ZNF804B: variants seen among roughly 807,000 people sequenced by gnomAD.
ZNF804B encodes zinc finger protein 804B.
In ZNF804B, 80 loss-of-function variants were observed where a neutral mutation model predicts 101.4. The observed-to-expected ratio is 0.79, with a 90% CI of 0.66 to 0.95. The LOEUF is 0.95. Ranked by LOEUF, ZNF804B falls within the 40% of genes least tolerant of loss-of-function variation. The pLI is 0.00. For synonymous variants in ZNF804B, 622 were observed against 558.8 expected (o/e 1.11, Z -1.59); for missense variants, 1,673 against 1,561.9 (o/e 1.07, Z -1.20).
chr7:88,979,739 A>T (rs1793669395), intron 1 of ZNF804B, among the ~76,000 whole-genome samples: 3 of 151,072 alleles, frequency 2.0e-5, no homozygotes, highest in Admixed American at 6.6e-5. Context: ...GTACTTTTCA[A>T]TATTGATATG....
At chr7:88,996,549 A>C (rs1788201454) in intron 1 of ZNF804B, among the ~76,000 whole-genome samples, 1 of 152,042 alleles carries the variant, frequency 6.6e-6, no homozygotes, top group Non-Finnish European at 1.5e-5. Flanking sequence ...TGTGTACTTG[A>C]ATCTTGAATC....
In ZNF804B at chr7:89,143,435, A is replaced by C. The variant is rs575322412; in HGVS notation, c.109-74720A>C. 2.0e-5 allele frequency among the ~76,000 whole-genome samples: 3 copies of C among 152,054 alleles called. No individual in the cohort carries two copies. In the South Asian group the frequency reaches 6.2e-4, roughly 32 times the overall value. ...TTGTTCTCTTTTCTTACCCGCTCCC[A>C]GCTTCTAATATCTATCTAACTACCT... On this transcript the variant is annotated intron_variant, in intron 1 of 3. Transcript: ENST00000333190.
chr7:89,305,594 A>G (rs1261898674), intron 2 of ZNF804B, among the ~76,000 whole-genome samples: 1 of 151,992 alleles, frequency 6.6e-6, no homozygotes, highest in African/African-American at 2.4e-5. Context: ...TGAATAACAA[A>G]TTTCCTATAG....
rs1176093437 is a variant in ZNF804B, at chr7:88,854,761, G to A, written c.108+94677G>A. Among the ~76,000 whole-genome samples, 18 of 56,738 alleles carry A rather than the reference G, an allele frequency of 3.2e-4. No individual in the cohort carries two copies. The Admixed American group carries it at 4.7e-3, about 15-fold the overall frequency. 37.2% of individuals were successfully genotyped at this position (56,738 alleles called of 152,430 possible). ...TAATACTATCCCTCCCCCCTCCCCC[G>A]ACCCCACAACAGGCCCCAGTGTGTG... is the stretch of plus-strand genomic sequence containing the variant. On this transcript the variant is annotated intron_variant, in intron 1 of 3. Transcript: ENST00000333190.
At chr7:89,223,380 C>T (rs1293654634) in intron 2 of ZNF804B, among the ~76,000 whole-genome samples, 1 of 151,752 alleles carries the variant, frequency 6.6e-6, no homozygotes, top group Non-Finnish European at 1.5e-5. Flanking sequence ...ACTCAGGATC[C>T]CACCGCTTAA....
At chr7:88,845,297 G>A (rs1432434969) in intron 1 of ZNF804B, among the ~76,000 whole-genome samples, 4,916 of 119,814 alleles carry the variant, frequency 0.041, 263 homozygotes, top group African/African-American at 0.14. Context: ...GCGCGCACGC[G>A]CGCGCACACA....
At chr7:89,180,331 T>G (rs1041246916) in intron 1 of ZNF804B, among the ~76,000 whole-genome samples, 1 of 152,092 alleles carries the variant, frequency 6.6e-6, no homozygotes, top group Admixed American at 6.5e-5. Flanking sequence ...ACTTGGTGCT[T>G]TAGTTTGCTG....
chr7:89,295,662 ACAGTCTG>A (rs1347986418), intron 2 of ZNF804B, among the ~76,000 whole-genome samples: 1 of 152,120 alleles, frequency 6.6e-6, no homozygotes, highest in Non-Finnish European at 1.5e-5. Context: ...GATTATGTAC[ACAGTCTG>A]CAAATTTGAA....
chr7:89,113,696 TA>T, intron 1 of ZNF804B, among the ~76,000 whole-genome samples: 1 of 152,306 alleles, frequency 6.6e-6, no homozygotes, highest in East Asian at 1.9e-4. Context: ...CTCATACCTG[TA>T]ATCCCAGCAC....
intron 2 of ZNF804B, among the ~76,000 whole-genome samples, chr7:89,239,814 T>TAA (rs891746347): frequency 6.0e-5 from 9 of 150,734 alleles, no homozygotes. Flanking sequence ...TATATATATA[T>TAA]AAAATTTAAT....
intron 1 of ZNF804B, among the ~76,000 whole-genome samples, chr7:89,123,832 C>T (rs1172111298): frequency 6.6e-6 from 1 of 152,046 alleles, no homozygotes; most frequent in Non-Finnish European, 1.5e-5. Flanking sequence ...TCCAGGTAGC[C>T]TGGAAACTTG....
intron 1 of ZNF804B, among the ~76,000 whole-genome samples, chr7:89,182,189 G>T: frequency 6.6e-6 from 1 of 152,130 alleles, no homozygotes; most frequent in South Asian, 2.1e-4. Context: ...TTTTCAAGAA[G>T]CATAGTATTG....
intron 1 of ZNF804B, among the ~76,000 whole-genome samples, chr7:88,877,030 T>TATATATATATATATATA (rs1791957936): frequency 2.1e-4 from 9 of 43,162 alleles, no homozygotes; most frequent in African/African-American, 1.1e-3. Context: ...ATATATAATA[T>TATATATATATATATATA]ATATATATAT....
intron 1 of ZNF804B, among the ~76,000 whole-genome samples, chr7:88,960,402 A>C (rs1264619300): frequency 6.6e-6 from 1 of 151,244 alleles, no homozygotes. Context: ...GGAAAGGAAA[A>C]TGTGTATGTG....
At chr7:88,954,385 T>G (rs942838129) in intron 1 of ZNF804B, among the ~76,000 whole-genome samples, 7 of 151,874 alleles carry the variant, frequency 4.6e-5, no homozygotes, top group South Asian at 2.1e-4. Flanking sequence ...AAATAAGGCT[T>G]GAAACACATC....
chr7:88,865,488 C>T (rs1359495394), intron 1 of ZNF804B, among the ~76,000 whole-genome samples: 1 of 152,102 alleles, frequency 6.6e-6, no homozygotes, highest in Non-Finnish European at 1.5e-5. Flanking sequence ...GCTATGATTG[C>T]ACCACTGTAC....
At chr7:88,964,141 A>G (rs917782628) in intron 1 of ZNF804B, among the ~76,000 whole-genome samples, 1 of 151,426 alleles carries the variant, frequency 6.6e-6, no homozygotes, top group African/African-American at 2.4e-5. Context: ...CAGAAAACAT[A>G]GAATTGTCAT....
intron 1 of ZNF804B, among the ~76,000 whole-genome samples, chr7:89,137,513 C>G (rs1790655343): frequency 1.3e-5 from 2 of 151,926 alleles, no homozygotes; most frequent in Admixed American, 1.3e-4. Context: ...TTTGTCCCTG[C>G]CCTAGAGATC....
chr7:88,897,117 T>G (rs927561158), intron 1 of ZNF804B, among the ~76,000 whole-genome samples: 5 of 152,164 alleles, frequency 3.3e-5, no homozygotes, highest in African/African-American at 1.2e-4. Context: ...ACTAAAGATA[T>G]CCATGCATTA....
Sources: gnomAD v4.1 joint callset for allele counts (sites outside exome capture counted in the v4.1 genomes callset) on GRCh38, gnomAD v4.1.1 for gene constraint, MANE v1.5 for transcripts, NCBI Gene and HGNC (gene_info 2026-07-23, HGNC 2026-07-21) for gene names.